ENTHD1: variants seen among roughly 807,000 people sequenced by gnomAD.
The protein encoded by ENTHD1 is ENTH domain-containing protein 1.
ENTHD1 carries 23 observed loss-of-function variants against 39.1 expected under a neutral mutation model. That is an observed-to-expected ratio of 0.59 (90% confidence interval 0.42 to 0.83). ENTHD1 has a LOEUF of 0.83. ENTHD1 is among the 40% of genes least tolerant of loss of function. The pLI is 0.00. For missense variants in ENTHD1, 624 were observed against 705.4 expected (o/e 0.88, Z 1.31); for synonymous variants, 230 against 258.2 (o/e 0.89, Z 1.05).
intron 5 of ENTHD1, among the ~76,000 whole-genome samples, chr22:39,814,037 T>A (rs2065713973): frequency 6.6e-6 from 1 of 151,728 alleles, no homozygotes; most frequent in African/African-American, 2.4e-5. Context: ...AAAAACACAT[T>A]AAGGAAGAAT....
At chr22:39,778,917 A>G (rs758205550) in intron 5 of ENTHD1, among the ~76,000 whole-genome samples, 7 of 152,234 alleles carry the variant, frequency 4.6e-5, no homozygotes, top group Non-Finnish European at 1.0e-4. Flanking sequence ...AGGCCAGTGA[A>G]GCCTTTAAAC....
At chr22:39,885,890 C>T (rs893266977) in intron 2 of ENTHD1, among the ~76,000 whole-genome samples, 4 of 151,962 alleles carry the variant, frequency 2.6e-5, no homozygotes, top group Admixed American at 6.6e-5. Flanking sequence ...TGGTGATGGC[C>T]GCACAACACT....
chr22:39,788,129 A>G (rs2065474456), intron 5 of ENTHD1, among the ~76,000 whole-genome samples: 1 of 152,210 alleles, frequency 6.6e-6, no homozygotes, highest in South Asian at 2.1e-4. Flanking sequence ...TTTGACTTTC[A>G]AGTCTTATTA....
At chr22:39,815,677 C>T (rs540301564) in intron 5 of ENTHD1, among the ~76,000 whole-genome samples, 1 of 152,158 alleles carries the variant, frequency 6.6e-6, no homozygotes, top group South Asian at 2.1e-4. Context: ...GAATCTTGTA[C>T]AAATATACAA....
intron 5 of ENTHD1, among the ~76,000 whole-genome samples, chr22:39,781,031 G>T (rs895211020): frequency 1.3e-5 from 2 of 151,090 alleles, no homozygotes; most frequent in African/African-American, 4.9e-5. Flanking sequence ...GATCTAAAAG[G>T]ATCAACAGAC....
intron 6 of ENTHD1, among the ~76,000 whole-genome samples, chr22:39,757,907 C>T (rs1038231880): frequency 6.6e-6 from 1 of 152,056 alleles, no homozygotes; most frequent in Non-Finnish European, 1.5e-5. Flanking sequence ...CCTTCATGCA[C>T]TCTCTCTCCT....
intron 2 of ENTHD1, among the ~76,000 whole-genome samples, chr22:39,884,789 G>T (rs2146773158): frequency 6.6e-6 from 1 of 152,278 alleles, no homozygotes; most frequent in South Asian, 2.1e-4. Context: ...ATAAATGGTA[G>T]CAGGGCATCT....
At chr22:39,825,948 C>T (rs1235490737) in intron 4 of ENTHD1, among the ~76,000 whole-genome samples, 2 of 152,072 alleles carry the variant, frequency 1.3e-5, no homozygotes, top group Non-Finnish European at 2.9e-5. Flanking sequence ...TGACTTGGGC[C>T]CACTGCAAGC....
chr22:39,769,436 C>G (rs755043361), intron 5 of ENTHD1, among the ~76,000 whole-genome samples: 2 of 152,180 alleles, frequency 1.3e-5, no homozygotes, highest in Admixed American at 6.5e-5. Context: ...TGCCTCAGAA[C>G]TGTCCTCCCA....
At chr22:39,870,633 C>T (rs1230473314) in intron 2 of ENTHD1, among the ~76,000 whole-genome samples, 1 of 152,088 alleles carries the variant, frequency 6.6e-6, no homozygotes, top group Admixed American at 6.5e-5. Flanking sequence ...CTACAAATTC[C>T]TTCTTTGGGT....
chr22:39,806,094 G>A (rs1269960569), intron 5 of ENTHD1, among the ~76,000 whole-genome samples: 3 of 152,116 alleles, frequency 2.0e-5, no homozygotes, highest in Non-Finnish European at 2.9e-5. Context: ...AAACTCGGGG[G>A]AAATCAATGC....
At chr22:39,768,434 A>C (rs117092249) in intron 5 of ENTHD1, among the ~76,000 whole-genome samples, 1 of 151,966 alleles carries the variant, frequency 6.6e-6, no homozygotes, top group Non-Finnish European at 1.5e-5. Context: ...ATCACCACTG[A>C]TTCCCCATCC....
chr22:39,797,640 AT>A (rs1285166316), intron 5 of ENTHD1, among the ~76,000 whole-genome samples: 15 of 152,270 alleles, frequency 9.9e-5, no homozygotes, highest in African/African-American at 3.6e-4. Context: ...GTGGTGATGA[AT>A]TCCCTCAGTT....
intron 4 of ENTHD1, among the ~76,000 whole-genome samples, chr22:39,830,136 T>C (rs2065857332): frequency 6.6e-6 from 1 of 152,166 alleles, no homozygotes. Flanking sequence ...AGTGCAGTGG[T>C]GTAATCTTAG....
chr22:39,761,741 A>G (rs931390651), intron 6 of ENTHD1, among the ~76,000 whole-genome samples: 6 of 151,738 alleles, frequency 4.0e-5, no homozygotes, highest in Non-Finnish European at 7.4e-5. Flanking sequence ...TTTTCATTTC[A>G]ATTATTTATC....
chr22:39,869,375 T>TAC (rs2066217939), intron 2 of ENTHD1, among the ~76,000 whole-genome samples: 1 of 152,082 alleles, frequency 6.6e-6, no homozygotes, highest in Non-Finnish European at 1.5e-5. Flanking sequence ...GAAAACCAAA[T>TAC]ACTGGATGTT....
intron 5 of ENTHD1, among the ~76,000 whole-genome samples, chr22:39,773,092 T>TG (rs2065339598): frequency 8.6e-6 from 1 of 116,548 alleles, no homozygotes; most frequent in Non-Finnish European, 1.6e-5. Context: ...GAGAACAGCC[T>TG]GGGCAACATA....
chr22:39,798,536 T>C (rs1177540911), intron 5 of ENTHD1, among the ~76,000 whole-genome samples: 1 of 152,134 alleles, frequency 6.6e-6, no homozygotes, highest in Non-Finnish European at 1.5e-5. Context: ...ATTTCCTCAG[T>C]GGCTTAGGCT....
chr22:39,831,433 A>G (rs1170446092), intron 4 of ENTHD1, among the ~76,000 whole-genome samples: 2 of 152,196 alleles, frequency 1.3e-5, no homozygotes, highest in East Asian at 3.8e-4. Context: ...ATTAAGAAAC[A>G]AAAACAAAAA....
Sources: gnomAD v4.1 joint callset for allele counts (sites outside exome capture counted in the v4.1 genomes callset) on GRCh38, gnomAD v4.1.1 for gene constraint, MANE v1.5 for transcripts, NCBI Gene and HGNC (gene_info 2026-07-23, HGNC 2026-07-21) for gene names.